The following ECHS1 variants were observed in gnomAD, a reference collection of about 807,000 sequenced individuals.
The protein encoded by ECHS1 is enoyl-CoA hydratase, short chain 1.
A neutral mutation model predicts 33.5 loss-of-function variants in ECHS1; 19 were observed. That is an observed-to-expected ratio of 0.57 (90% CI 0.40 to 0.83). The LOEUF is 0.83. ECHS1 is among the 40% of genes least tolerant of loss of function. The pLI is 0.00. For synonymous variants in ECHS1, 158 were observed against 146.6 expected (o/e 1.08, Z -0.56); for missense variants, 365 against 381.3 (o/e 0.96, Z 0.36).
chr10:133,370,855 C>A (rs1589883155), intron 1 of ECHS1, 98 bp from the exon 2 acceptor site: 5 of 1,266,392 alleles, frequency 3.9e-6, no homozygotes, highest in African/African-American at 3.0e-5. Flanking sequence ...TACAGTGTGA[C>A]CCCAAGAGGC....
chr10:133,367,001 G>A lies in ECHS1; in HGVS notation c.515-8C>T, dbSNP rs1184051800. ...TCTGGGTGCCGCCCGCACCTGCAGG[G>A]AGGGGCTGGTCATGGCTGGCACTGT... is the stretch of plus-strand genomic sequence containing the variant. On this transcript the variant is annotated splice_region_variant and splice_polypyrimidine_tract_variant and intron_variant, in intron 4 of 7. Coordinates refer to ENST00000368547, the MANE Select transcript of ECHS1 (RefSeq NM_004092.4). 2.5e-6 allele frequency: 4 copies of A among 1,606,478 alleles called. No homozygotes were observed. Among genetic ancestry groups the A allele is most frequent in the South Asian group, 2.2e-5 (2 of 90,386 alleles).
At chr10:133,371,142 TGGCG>T (rs1205197977) in intron 1 of ECHS1, among the ~76,000 whole-genome samples, 2 of 151,874 alleles carry the variant, frequency 1.3e-5, no homozygotes, top group Non-Finnish European at 2.9e-5. Context: ...TCGGGTGTTG[TGGCG>T]GGCGCCTGTA....
intron 5 of ECHS1, 135 bp downstream of exon 5, chr10:133,366,754 G>A (rs543352670): frequency 1.6e-6 from 1 of 634,690 alleles, no homozygotes; most frequent in Non-Finnish European, 2.8e-6. Context: ...GGGCACCCAT[G>A]AGGGGGACAC....
Position 133,366,058 on chromosome 10 carries a change from C to T in ECHS1, c.657G>A (p.Val219=), listed in dbSNP as rs774304987. The change falls in exon 6 of 8, where the codon GTG becomes GTA. Residue 219 remains valine, a synonymous_variant. Transcript: ENST00000368547. ...VSKICPVETL[V]EEAIQCAEKI... is the part of the protein sequence containing the mutation. ...TTTCTGCACACTGGATGGCTTCTTC[C>T]ACCAGTGTCTCAACAGGACAAATCT... The T allele has an allele frequency of 3.1e-6, 5 of 1,613,902 alleles. No individual in the cohort carries two copies. The highest frequency in any genetic ancestry group is 3.4e-6 in the Non-Finnish European group (4 of 1,180,020).
intron 6 of ECHS1, among the ~76,000 whole-genome samples, chr10:133,364,942 C>A (rs543744719): frequency 2.2e-4 from 33 of 152,178 alleles, no homozygotes; most frequent in Non-Finnish European, 4.4e-4. Flanking sequence ...AAACGTCACA[C>A]TCCGGTAGCC....
intron 7 of ECHS1, among the ~76,000 whole-genome samples, chr10:133,363,954 T>A (rs545947480): frequency 0.025 from 3,778 of 150,240 alleles, 148 homozygotes; most frequent in African/African-American, 0.086. Flanking sequence ...ATGAGTTACA[T>A]TTTTTTTTTC....
rs1039493532 is a variant in ECHS1, at chr10:133,367,096, G to A, written c.515-103C>T. ...TTCCAAGGGGCTTAAGATAGGCCCT[G>A]AGACTAGGTCCAGGGGTCAGAGGCC... is the stretch of plus-strand genomic sequence containing the variant. On this transcript the variant is annotated intron_variant, in intron 4 of 7. Transcript: ENST00000368547. 58 of 908,284 alleles carry A rather than the reference G, an allele frequency of 6.4e-5. No individual in the cohort carries two copies. The Middle Eastern group carries it at 9.1e-4, about 14-fold the overall frequency. 56.3% of individuals were successfully genotyped at this position (908,284 alleles called of 1,614,324 possible). A position where few individuals can be genotyped will look rare whatever the true frequency, so the allele number is the denominator to read the frequency against.
At chr10:133,371,920 C>T (rs1000142300) in intron 1 of ECHS1, among the ~76,000 whole-genome samples, 2 of 152,152 alleles carry the variant, frequency 1.3e-5, no homozygotes, top group Admixed American at 6.5e-5. Context: ...CCTCAGCCTC[C>T]CGAGTAGCTG....
At chr10:133,370,939 T>C (rs1433696283) in intron 1 of ECHS1, among the ~76,000 whole-genome samples, 182 bp from the exon 2 acceptor site, 1 of 152,162 alleles carries the variant, frequency 6.6e-6, no homozygotes, top group Non-Finnish European at 1.5e-5. Flanking sequence ...ATGGTAGCCT[T>C]GGTACCATTC....
chr10:133,363,418 CTTTTAAT>C (rs1848991785), intron 7 of ECHS1, among the ~76,000 whole-genome samples: 1 of 152,148 alleles, frequency 6.6e-6, no homozygotes, highest in Non-Finnish European at 1.5e-5. Flanking sequence ...GCCCAAACCA[CTTTTAAT>C]TTTTATTTTA....
chr10:133,369,550 T>A (rs113591825), intron 3 of ECHS1, among the ~76,000 whole-genome samples: 1 of 151,170 alleles, frequency 6.6e-6, no homozygotes, highest in African/African-American at 2.4e-5. Context: ...TCACATTGCC[T>A]TCCCTATAGG....
At position 133,362,841 on chromosome 10, in the gene ECHS1, G is replaced by T; in HGVS notation, c.*27C>A. The T allele has an allele frequency of 6.2e-7, 1 of 1,612,376 alleles. No individual in the cohort carries two copies. The highest frequency in any genetic ancestry group is 8.5e-7 in the Non-Finnish European group (1 of 1,178,412). On this transcript the variant is annotated 3_prime_UTR_variant, in exon 8 of 8. Coordinates refer to ENST00000368547, the MANE Select transcript of ECHS1 (RefSeq NM_004092.4). ...AGGCTGCACTTGTCCTCTCCAAGCA[G>T]AGGTGTGAAGCAGGGGCAGCTGGTT...
At chr10:133,370,178 G>A (rs1445375249) in intron 2 of ECHS1, 147 bp from the exon 3 acceptor site, 4 of 1,144,774 alleles carry the variant, frequency 3.5e-6, no homozygotes, top group Non-Finnish European at 4.9e-6. Flanking sequence ...CACGTGGACA[G>A]CTGTAGGGAC....
At chr10:133,372,333 C>A (rs981682100) in intron 1 of ECHS1, among the ~76,000 whole-genome samples, 8 of 152,206 alleles carry the variant, frequency 5.3e-5, no homozygotes, top group Non-Finnish European at 1.0e-4. Context: ...GATACTAGAG[C>A]CGGTGATGGC....
chr10:133,362,754 G>A lies in ECHS1; in HGVS notation c.*114C>T, dbSNP rs1050040. ...CCACGACCACGCAGCAATTGGAGAG[G>A]AACTGCACACCACGGACACTGCTCT... On this transcript the variant is annotated 3_prime_UTR_variant, in exon 8 of 8. Transcript: ENST00000368547. The A allele has an allele frequency of 0.015, 18,100 of 1,218,806 alleles. 1,163 individuals are homozygous for A. The African/African-American group carries it at 0.17, about 12-fold the overall frequency. The allele number at this position is 1,218,806 out of a possible 1,614,324, so 75.5% of individuals were successfully genotyped here.
chr10:133,371,094 G>A (rs1012296120), intron 1 of ECHS1, among the ~76,000 whole-genome samples: 4 of 152,174 alleles, frequency 2.6e-5, no homozygotes, highest in East Asian at 1.9e-4. Flanking sequence ...TGGCTAACAC[G>A]GTGAAACGCC....
intron 1 of ECHS1, among the ~76,000 whole-genome samples, chr10:133,372,524 C>T (rs1190583101): frequency 1.3e-5 from 2 of 152,196 alleles, no homozygotes; most frequent in Admixed American, 6.5e-5. Context: ...ACAGGAGCTA[C>T]GCCTGCTCTT....
At chr10:133,367,430 C>T (rs1849048176) in intron 4 of ECHS1, among the ~76,000 whole-genome samples, 3 of 151,342 alleles carry the variant, frequency 2.0e-5, no homozygotes, top group Non-Finnish European at 2.9e-5. Flanking sequence ...GGGTCAGGTG[C>T]TGAAGGCACA....
At chr10:133,370,077 C>T (rs1589882643) in intron 2 of ECHS1, 46 bp from the exon 3 acceptor site, 1 of 1,608,440 alleles carries the variant, frequency 6.2e-7, no homozygotes, top group Middle Eastern at 1.7e-4. Context: ...GAGCAGAGAG[C>T]CCACCCATCC....
Sources: allele counts gnomAD v4.1 joint callset (sites outside exome capture counted in the v4.1 genomes callset), GRCh38; gene constraint gnomAD v4.1.1; transcripts MANE v1.5; gene names NCBI Gene and HGNC (gene_info 2026-07-23, HGNC 2026-07-21).